Variants in SLC38A12 observed in about 807,000 individuals in gnomAD.
SLC38A12 encodes solute carrier family 38 member 12, also known as putative sodium-coupled neutral amino acid transporter 12.
the SLC38A12 span, chr17:74,837,807 T>A: frequency 1.0e-6 from 1 of 985,826 alleles, no homozygotes; most frequent in Non-Finnish European, 1.2e-6. Context: ...TCGAATGAAC[T>A]CTGCATTTTC....
chr17:74,780,826 G>A, the SLC38A12 span, among the ~76,000 whole-genome samples: 2 of 152,208 alleles, frequency 1.3e-5, no homozygotes, highest in African/African-American at 4.8e-5. Flanking sequence ...AACAAAGCAA[G>A]ACAACTGCAA....
the SLC38A12 span, chr17:74,791,094 G>A: frequency 6.8e-7 from 1 of 1,479,704 alleles, no homozygotes; most frequent in South Asian, 1.2e-5. Context: ...CTTCCCTGCA[G>A]GCCTGCACCC....
chr17:74,836,192 C>G, the SLC38A12 span: 3 of 1,612,614 alleles, frequency 1.9e-6, no homozygotes, highest in Admixed American at 3.3e-5. The surrounding 1 kb of genome is among the most constrained non-coding windows in gnomAD (Gnocchi z 4.2). Flanking sequence ...TCCGCGGCGA[C>G]AGCCTCATGG....
the SLC38A12 span, among the ~76,000 whole-genome samples, chr17:74,776,906 T>C: frequency 1.4e-4 from 22 of 152,198 alleles, no homozygotes; most frequent in African/African-American, 5.3e-4. Context: ...GGTAGTGAGC[T>C]CCTGGTTCCT....
the SLC38A12 span, among the ~76,000 whole-genome samples, chr17:74,802,368 G>A: frequency 2.0e-5 from 3 of 152,256 alleles, no homozygotes; most frequent in East Asian, 5.8e-4. Context: ...GCCAGACTGG[G>A]GGACTCAGTG....
chr17:74,801,943 T>G, the SLC38A12 span, among the ~76,000 whole-genome samples: 1 of 152,146 alleles, frequency 6.6e-6, no homozygotes, highest in East Asian at 1.9e-4. Flanking sequence ...GCAGCTTGTC[T>G]CTCTAGCTCC....
the SLC38A12 span, among the ~76,000 whole-genome samples, chr17:74,835,532 T>C: frequency 6.6e-6 from 1 of 152,074 alleles, no homozygotes; most frequent in Non-Finnish European, 1.5e-5. Flanking sequence ...CCCAGCCTGC[T>C]CCCTGCGAGG....
the SLC38A12 span, chr17:74,777,204 G>C: frequency 9.3e-7 from 1 of 1,077,394 alleles, no homozygotes; most frequent in Non-Finnish European, 1.4e-6. Context: ...AAGTCTGCAA[G>C]CCTCCTCCCA....
the SLC38A12 span, among the ~76,000 whole-genome samples, chr17:74,830,648 G>T: frequency 6.6e-5 from 10 of 152,364 alleles, no homozygotes; most frequent in African/African-American, 2.4e-4. Flanking sequence ...TACACTGGAT[G>T]TGCCTCCTGG....
At chr17:74,837,408 A>C in the SLC38A12 span, 1 of 985,570 alleles carries the variant, frequency 1.0e-6, no homozygotes, top group Non-Finnish European at 1.2e-6. Context: ...CTGGGCCTAA[A>C]GTCTGGAGCT....
chr17:74,820,416 T>C, the SLC38A12 span, among the ~76,000 whole-genome samples: 4 of 152,244 alleles, frequency 2.6e-5, no homozygotes, highest in East Asian at 5.8e-4. Context: ...TGTCCTCAGC[T>C]GCGGTCTGGG....
chr17:74,796,545 C>T, the SLC38A12 span, among the ~76,000 whole-genome samples: 1 of 152,228 alleles, frequency 6.6e-6, no homozygotes, highest in Non-Finnish European at 1.5e-5. Context: ...CAAGGGGCCA[C>T]TGAAGGGCTT....
At chr17:74,795,104 G>A in the SLC38A12 span, 12 of 1,613,902 alleles carry the variant, frequency 7.4e-6, no homozygotes, top group South Asian at 4.4e-5. Flanking sequence ...CCTCATGCAG[G>A]TGACCTGGTG....
At chr17:74,838,229 C>A in the SLC38A12 span, 28 of 985,816 alleles carry the variant, frequency 2.8e-5, no homozygotes, top group South Asian at 1.1e-3. Flanking sequence ...TAGCTTGTCC[C>A]CACGTGTCAC....
the SLC38A12 span, among the ~76,000 whole-genome samples, chr17:74,820,374 C>T: frequency 6.6e-6 from 1 of 152,248 alleles, no homozygotes; most frequent in Non-Finnish European, 1.5e-5. Context: ...CATCTTCTAA[C>T]CAACGGACAC....
At chr17:74,805,657 C>T in the SLC38A12 span, among the ~76,000 whole-genome samples, 360 of 152,274 alleles carry the variant, frequency 2.4e-3, 3 homozygotes, top group South Asian at 0.022. The surrounding 1 kb of genome is among the most constrained non-coding windows in gnomAD (Gnocchi z 5.0). Flanking sequence ...CAAGGCCAGA[C>T]GTCAGCAGAA....
chr17:74,796,305 C>T, the SLC38A12 span, among the ~76,000 whole-genome samples: 1 of 152,214 alleles, frequency 6.6e-6, no homozygotes, highest in Non-Finnish European at 1.5e-5. Flanking sequence ...GTTGCAGTAT[C>T]TGTTAATATT....
the SLC38A12 span, among the ~76,000 whole-genome samples, chr17:74,801,818 A>G: frequency 6.6e-6 from 1 of 151,958 alleles, no homozygotes; most frequent in African/African-American, 2.4e-5. Context: ...TTTCCCTAGG[A>G]GCTGTCTATA....
chr17:74,777,218 CT>C, the SLC38A12 span: 11 of 1,253,682 alleles, frequency 8.8e-6, no homozygotes, highest in Admixed American at 5.2e-5. Context: ...CCTCCCACCC[CT>C]GTCTCAGTCC....
Sources: gnomAD v4.1 joint callset for allele counts (sites outside exome capture counted in the v4.1 genomes callset) on GRCh38, gnomAD v4.1.1 for gene constraint, Gnocchi (gnomAD v3.1) non-coding constraint, MANE v1.5 for transcripts, NCBI Gene and HGNC (gene_info 2026-07-23, HGNC 2026-07-21) for gene names.